SLC24A4: variants seen among roughly 807,000 people sequenced by gnomAD.
SLC24A4 encodes the protein solute carrier family 24 member 4.
In SLC24A4, 53 loss-of-function variants were observed where a neutral mutation model predicts 79.0. That is an observed-to-expected ratio of 0.67 (90% confidence interval 0.54 to 0.84). SLC24A4 has a LOEUF of 0.84. Ranked by LOEUF, SLC24A4 falls within the 40% of genes least tolerant of loss-of-function variation. The pLI, the probability that SLC24A4 is intolerant of heterozygous loss-of-function variation, is 0.00. For missense variants in SLC24A4, 731 were observed against 822.0 expected (o/e 0.89, Z 1.35); for synonymous variants, 323 against 323.8 (o/e 1.00, Z 0.03).
At chr14:92,473,002 T>C (rs540856035) in intron 12 of SLC24A4, among the ~76,000 whole-genome samples, 1 of 152,340 alleles carries the variant, frequency 6.6e-6, no homozygotes, top group South Asian at 2.1e-4. Flanking sequence ...CTCTCACTCC[T>C]TGTTCCTCCT....
At position 92,377,758 on chromosome 14, in the gene SLC24A4, A is replaced by G. The variant is rs144149531; in HGVS notation, c.241+51780A>G. Among the ~76,000 whole-genome samples, 396 of 152,156 alleles carry G rather than the reference A, an allele frequency of 2.6e-3. 2 individuals are homozygous for G. The highest frequency in any genetic ancestry group is 9.0e-3 in the African/African-American group (374 of 41,520). ...TAGGCTGTCAGGAGGCCTTGGGCAA[A>G]AGTGAGATGATGAGGGTCCAATGGC... On this transcript the variant is annotated intron_variant, in intron 2 of 16. Transcript: ENST00000532405.
At position 92,456,408 on chromosome 14, in the gene SLC24A4, A is replaced by C; in HGVS notation, c.1055A>C (p.Gln352Pro). 6.2e-7 allele frequency: 1 copy of C among 1,614,202 alleles called. No homozygotes were observed. Among genetic ancestry groups the C allele is most frequent in the Non-Finnish European group, 8.5e-7 (1 of 1,180,024 alleles). The change falls in exon 12 of 17, where the codon CAG (glutamine) becomes CCG (proline). Residue 352 changes from glutamine (Q) to proline (P), a missense_variant. Physicochemically the swap from Gln to Pro is moderately conservative, Grantham distance 76. Coordinates refer to ENST00000532405, the MANE Select transcript of SLC24A4 (RefSeq NM_153646.4). The stretch of plus-strand genomic sequence containing the variant: ...TGTTGCCTCCTGTCCACACAGCGGC[A>C]GAGACTGATCAACTCGGCCAATGGT... ...MASRIIINERQRLINSANGVS... is the reference protein window; with the variant it reads ...MASRIIINERPRLINSANGVS...
At chr14:92,423,177 C>A (rs139333260) in intron 2 of SLC24A4, among the ~76,000 whole-genome samples, 48 of 151,864 alleles carry the variant, frequency 3.2e-4, no homozygotes, top group Non-Finnish European at 1.5e-5. Flanking sequence ...GTCTCACTTG[C>A]TCTGTTGCCC....
chr14:92,376,447 C>T (rs1888506119), intron 2 of SLC24A4, among the ~76,000 whole-genome samples: 2 of 152,246 alleles, frequency 1.3e-5, no homozygotes, highest in Admixed American at 6.5e-5. Context: ...TCCCAGGCCA[C>T]GTCGGGGCAG....
At chr14:92,448,365 C>CACACAG (rs1892925817) in intron 9 of SLC24A4, among the ~76,000 whole-genome samples, 2 of 151,872 alleles carry the variant, frequency 1.3e-5, no homozygotes, top group South Asian at 4.2e-4. Flanking sequence ...CACACACACA[C>CACACAG]ACACACACAC....
chr14:92,379,004 A>C (rs1888671315), intron 2 of SLC24A4, among the ~76,000 whole-genome samples: 1 of 152,188 alleles, frequency 6.6e-6, no homozygotes, highest in South Asian at 2.1e-4. Context: ...CAAGGCTGCA[A>C]TGAGCTGTGG....
chr14:92,406,407 C>G (rs1043968304), intron 2 of SLC24A4, among the ~76,000 whole-genome samples: 4 of 152,202 alleles, frequency 2.6e-5, no homozygotes, highest in Non-Finnish European at 5.9e-5. Flanking sequence ...AGGTAGTGCT[C>G]CAGTTTGGAC....
chr14:92,397,115 A>C (rs1243458592), intron 2 of SLC24A4, among the ~76,000 whole-genome samples: 2 of 152,152 alleles, frequency 1.3e-5, no homozygotes, highest in African/African-American at 4.8e-5. Context: ...AGAAGAGAAA[A>C]AGCTTCACCC....
At chr14:92,357,544 A>G (rs145414911) in intron 2 of SLC24A4, among the ~76,000 whole-genome samples, 1,643 of 152,334 alleles carry the variant, frequency 0.011, 32 homozygotes, top group African/African-American at 0.037. Context: ...ACATGCTACA[A>G]TGTGGATGAA....
chr14:92,459,177 A>G (rs1893652202), intron 12 of SLC24A4, among the ~76,000 whole-genome samples: 1 of 152,216 alleles, frequency 6.6e-6, no homozygotes, highest in African/African-American at 2.4e-5. Flanking sequence ...CAAGTCAGCC[A>G]TAGGTGAGGA....
At chr14:92,393,155 G>A (rs769207887) in intron 2 of SLC24A4, among the ~76,000 whole-genome samples, 3 of 152,248 alleles carry the variant, frequency 2.0e-5, no homozygotes, top group Non-Finnish European at 4.4e-5. Context: ...CTGGGGCTTC[G>A]ATCTTAGACT....
At chr14:92,472,666 GTTTC>G (rs141643581) in intron 12 of SLC24A4, among the ~76,000 whole-genome samples, 3,658 of 152,154 alleles carry the variant, frequency 0.024, 149 homozygotes, top group African/African-American at 0.083. Flanking sequence ...ACACACCACA[GTTTC>G]TTTATCCACT....
chr14:92,424,759 G>T (rs1270814969), intron 2 of SLC24A4, among the ~76,000 whole-genome samples: 1 of 152,070 alleles, frequency 6.6e-6, no homozygotes, highest in African/African-American at 2.4e-5. Context: ...GCACATGCTT[G>T]TAGTTCCAGT....
chr14:92,462,216 C>T (rs1325014609), intron 12 of SLC24A4: 3 of 152,224 alleles, frequency 2.0e-5, no homozygotes, highest in Non-Finnish European at 4.4e-5. Context: ...GAAGCCAGCA[C>T]ATGGCCTTAG....
chr14:92,461,054 C>T (rs1474296168), intron 12 of SLC24A4, among the ~76,000 whole-genome samples: 2 of 152,196 alleles, frequency 1.3e-5, no homozygotes, highest in Non-Finnish European at 2.9e-5. Context: ...GCAGTGCTGG[C>T]ACCGCCCTGA....
chr14:92,337,794 G>A (rs558741953), intron 2 of SLC24A4, among the ~76,000 whole-genome samples: 96 of 152,314 alleles, frequency 6.3e-4, no homozygotes, highest in African/African-American at 2.3e-3. Context: ...GCTGACTTGT[G>A]TTAATCTCCG....
chr14:92,464,693 G>T (rs1433685725), intron 12 of SLC24A4, among the ~76,000 whole-genome samples: 1 of 152,198 alleles, frequency 6.6e-6, no homozygotes, highest in Admixed American at 6.5e-5. Context: ...ACTTCTGGGA[G>T]ATGTCACCGT....
intron 11 of SLC24A4, among the ~76,000 whole-genome samples, chr14:92,454,740 C>T (rs1205342374): frequency 2.6e-5 from 4 of 152,290 alleles, no homozygotes; most frequent in South Asian, 2.1e-4. Context: ...ACAGTGCCTA[C>T]GGGTTCATAT....
chr14:92,462,347 A>G (rs552004875), intron 12 of SLC24A4: 1 of 152,266 alleles, frequency 6.6e-6, no homozygotes, highest in South Asian at 2.1e-4. Flanking sequence ...AGGAGGTAAA[A>G]CGCACTAAGT....
Sources: allele counts gnomAD v4.1 joint callset (sites outside exome capture counted in the v4.1 genomes callset), GRCh38; gene constraint gnomAD v4.1.1; transcripts MANE v1.5; gene names NCBI Gene and HGNC (gene_info 2026-07-23, HGNC 2026-07-21).